ZSCAN1: variants seen among roughly 807,000 people sequenced by gnomAD.
ZSCAN1 encodes zinc finger and SCAN domain-containing protein 1.
In ZSCAN1, 23 loss-of-function variants were observed where a neutral mutation model predicts 23.8. The observed-to-expected ratio is 0.97, with a 90% CI of 0.70 to 1.37. The LOEUF is 1.37. ZSCAN1 is among the 40% of genes most tolerant of loss of function. The probability of loss-of-function intolerance (pLI) is 0.00; values close to 1 mark genes in which losing one functional copy is unlikely to be tolerated. For missense variants in ZSCAN1, 575 were observed against 554.0 expected (o/e 1.04, Z -0.38); for synonymous variants, 236 against 232.3 (o/e 1.02, Z -0.15).
chr19:58,050,051 C>T (rs1459723193), intron 4 of ZSCAN1, among the ~76,000 whole-genome samples: 1 of 150,344 alleles, frequency 6.7e-6, no homozygotes, highest in Admixed American at 6.6e-5. Flanking sequence ...GTTGGTATCT[C>T]CTACTCCACC....
At chr19:58,036,602 G>A (rs1008697275) in intron 2 of ZSCAN1, among the ~76,000 whole-genome samples, 10 of 146,076 alleles carry the variant, frequency 6.8e-5, no homozygotes, top group African/African-American at 1.8e-4. Context: ...TGCAATCTCC[G>A]CCTCCTGGGT....
chr19:58,038,597 C>T (rs1381545799), intron 3 of ZSCAN1, among the ~76,000 whole-genome samples: 1 of 152,230 alleles, frequency 6.6e-6, no homozygotes, highest in Non-Finnish European at 1.5e-5. Context: ...GCGCAGGCCC[C>T]ATCGCTGGCT....
At chr19:58,046,654 G>A (rs1252502757) in intron 4 of ZSCAN1, 3 of 647,842 alleles carry the variant, frequency 4.6e-6, no homozygotes. Flanking sequence ...GGTGGACAAA[G>A]AAGATGTTCA....
intron 4 of ZSCAN1, among the ~76,000 whole-genome samples, chr19:58,042,686 C>T (rs901410130): frequency 3.3e-5 from 5 of 152,180 alleles, no homozygotes; most frequent in South Asian, 4.1e-4. Context: ...CTTCCTCAGC[C>T]GCTGCCGGCA....
At chr19:58,038,568 A>C in intron 3 of ZSCAN1, 2 of 529,512 alleles carry the variant, frequency 3.8e-6, no homozygotes, top group Non-Finnish European at 6.6e-6. Context: ...AATCCTAGAG[A>C]TCCTTAAGCC....
At position 58,040,654 on chromosome 19, in the gene ZSCAN1, C is replaced by G; in HGVS notation, c.465+110C>G. Reference sequence around the variant, plus strand: ...AAGGACTGTGTGAGGTTGTCCCCAGCGCTCCCAGGAAGCCCGGCCTCCAAA... The same window carrying G: ...AAGGACTGTGTGAGGTTGTCCCCAGGGCTCCCAGGAAGCCCGGCCTCCAAA... On this transcript the variant is annotated intron_variant, in intron 4 of 5. Coordinates refer to ENST00000282326, the MANE Select transcript of ZSCAN1 (RefSeq NM_182572.4). This position sits in a 1 kb window ranked among gnomAD's most constrained non-coding sequence, Gnocchi z 5.8. The G allele has an allele frequency of 9.1e-7, 1 of 1,096,802 alleles. No individual in the cohort carries two copies. The highest frequency in any genetic ancestry group is 1.3e-6 in the Non-Finnish European group (1 of 749,048). 67.9% of individuals were successfully genotyped at this position (1,096,802 alleles called of 1,614,324 possible). A position where few individuals can be genotyped will look rare whatever the true frequency, so the allele number is the denominator to read the frequency against.
In ZSCAN1 at chr19:58,047,213, A is replaced by C. The variant is rs757186158; in HGVS notation, c.466-5277A>C. Among the ~76,000 whole-genome samples the C allele has an allele frequency of 3.3e-5, 5 of 152,212 alleles. No individual in the cohort carries two copies. Among genetic ancestry groups the C allele is most frequent in the Non-Finnish European group, 5.9e-5 (4 of 68,038 alleles). On this transcript the variant is annotated intron_variant, in intron 4 of 5. Coordinates refer to ENST00000282326, the MANE Select transcript of ZSCAN1 (RefSeq NM_182572.4). The surrounding 1 kb of genome is among the most constrained non-coding windows in gnomAD (Gnocchi z 4.9). ...CCCCCTCAGGGCTGAAGATGCCTCC[A>C]TTCACCTGTGGACCTTGCTTTCTAG... is the stretch of plus-strand genomic sequence containing the variant.
chr19:58,038,634 G>T (rs1459894364), intron 3 of ZSCAN1, among the ~76,000 whole-genome samples: 1 of 152,216 alleles, frequency 6.6e-6, no homozygotes, highest in African/African-American at 2.4e-5. Context: ...GCTTAGGTCT[G>T]CATCCCGACT....
rs1050225623 is a variant in ZSCAN1, at chr19:58,049,183, TG to T, written c.466-3301del. ...AAGCTTTGGCTCTTTGCAGCAGGGG[TG>T]GGGGGTGATCCTATCAATTTGCCAT... On this transcript the variant is annotated intron_variant, in intron 4 of 5. Transcript: ENST00000282326. The surrounding 1 kb of genome is among the most constrained non-coding windows in gnomAD (Gnocchi z 4.5). 1.9e-4 allele frequency: 30 copies of T among 154,786 alleles called. No homozygotes were observed. Among genetic ancestry groups the T allele is most frequent in the African/African-American group, 6.3e-4 (26 of 41,286 alleles). 9.6% of individuals were successfully genotyped at this position (154,786 alleles called of 1,614,324 possible).
At chr19:58,046,463 A>T in intron 4 of ZSCAN1, 1 of 843,020 alleles carries the variant, frequency 1.2e-6, no homozygotes, top group Non-Finnish European at 2.1e-6. Context: ...TGGGCCAGCA[A>T]GCTGGCCCCG....
At chr19:58,044,517 G>T in intron 4 of ZSCAN1, 1 of 444,556 alleles carries the variant, frequency 2.2e-6, no homozygotes, top group South Asian at 3.0e-5. Context: ...AGACGGCGAA[G>T]AGCCGCGGCC....
At chr19:58,036,065 C>G (rs952545430) in intron 2 of ZSCAN1, 54 bp downstream of exon 2, 1 of 152,274 alleles carries the variant, frequency 6.6e-6, no homozygotes, top group African/African-American at 2.4e-5. Context: ...TCCCAGGACT[C>G]CCTTTCTATG....
chr19:58,038,879 G>A (rs550723961), intron 3 of ZSCAN1, among the ~76,000 whole-genome samples: 2 of 152,386 alleles, frequency 1.3e-5, no homozygotes, highest in Admixed American at 1.3e-4. Context: ...GGTGAGAGCA[G>A]TCGTGGCACT....
intron 4 of ZSCAN1, among the ~76,000 whole-genome samples, chr19:58,051,302 G>T (rs575277021): frequency 6.6e-6 from 1 of 151,776 alleles, no homozygotes; most frequent in South Asian, 2.1e-4. Context: ...CCTATAGATG[G>T]TGGCTCCTCT....
rs143178477 is a variant in ZSCAN1 at position 58,041,699 on chromosome 19, T to C, written c.465+1155T>C. 1.4e-3 allele frequency among the ~76,000 whole-genome samples: 171 copies of C among 124,772 alleles called. 1 individual carries two copies. The highest frequency in any genetic ancestry group is 5.0e-3 in the African/African-American group (156 of 31,084). The allele number at this position is 124,772 out of a possible 152,430, so 81.9% of individuals were successfully genotyped here. A position where few individuals can be genotyped will look rare whatever the true frequency, so the allele number is the denominator to read the frequency against. On this transcript the variant is annotated intron_variant, in intron 4 of 5. Transcript: ENST00000282326. ...GAGTTCAAGAGCAGCCTGGGCAACA[T>C]GGCAAGACCCCATGTCTTAAAAAAA...
chr19:58,035,189 G>A (rs369865295), intron 1 of ZSCAN1, among the ~76,000 whole-genome samples: 1 of 151,876 alleles, frequency 6.6e-6, no homozygotes, highest in Non-Finnish European at 1.5e-5. Flanking sequence ...TTGCCCATGG[G>A]GGGGCCCAGA....
intron 4 of ZSCAN1, among the ~76,000 whole-genome samples, chr19:58,050,844 G>C (rs2073854762): frequency 6.6e-6 from 1 of 151,980 alleles, no homozygotes; most frequent in African/African-American, 2.4e-5. Context: ...CTTTTTCTTG[G>C]TTGCTTGGTT....
At chr19:58,041,437 C>G (rs7247825) in intron 4 of ZSCAN1, among the ~76,000 whole-genome samples, 3,929 of 152,320 alleles carry the variant, frequency 0.026, 175 homozygotes, top group African/African-American at 0.087. Context: ...GGCACTACAC[C>G]CAGCACAAAC....
rs537749775 is a variant in ZSCAN1, at chr19:58,037,869, C to A, written c.33C>A (p.Pro11=). The change falls in exon 3 of 6, where the codon CCC becomes CCA. Residue 11 remains proline (P), a synonymous_variant. Coordinates refer to ENST00000282326, the MANE Select transcript of ZSCAN1 (RefSeq NM_182572.4). ...CACGGCCCAAAGCCCCTGCCTCCCC[C>A]AGACGCCCCCAGACCCCAACCCCGA... MLPRPKAPAS[P]RRPQTPTPSE... is the part of the protein sequence containing the mutation. 4 of 1,528,988 alleles carry A rather than the reference C, an allele frequency of 2.6e-6. No homozygotes were observed. The highest frequency in any genetic ancestry group is 3.5e-6 in the Non-Finnish European group (4 of 1,141,120). 94.7% of individuals were successfully genotyped at this position (1,528,988 alleles called of 1,614,324 possible). A position where few individuals can be genotyped will look rare whatever the true frequency, so the allele number is the denominator to read the frequency against.
Sources: gnomAD v4.1 joint callset for allele counts (sites outside exome capture counted in the v4.1 genomes callset) on GRCh38, gnomAD v4.1.1 for gene constraint, Gnocchi (gnomAD v3.1) non-coding constraint, MANE v1.5 for transcripts, NCBI Gene and HGNC (gene_info 2026-07-23, HGNC 2026-07-21) for gene names.